The following STX2 variants were observed in gnomAD, a reference collection of about 807,000 sequenced individuals.
STX2 encodes syntaxin 2, also known as syntaxin-2.
In STX2, 27 loss-of-function variants were observed where a neutral mutation model predicts 40.6. The ratio of observed to expected loss-of-function variants is 0.66; its 90% confidence interval spans 0.49 to 0.92. The LOEUF (loss-of-function observed/expected upper bound fraction) is 0.92, where lower values mean the gene tolerates loss of function less well. STX2 is among the 40% of genes least tolerant of loss of function. STX2 has a pLI of 0.00. For missense variants in STX2, 328 were observed against 366.1 expected, an observed-to-expected ratio of 0.90 and a Z score of 0.85; for synonymous variants, 123 against 119.1, an observed-to-expected ratio of 1.03 and a Z score of -0.22.
At chr12:130,821,081 T>C (rs1952094470) in intron 3 of STX2, among the ~76,000 whole-genome samples, 2 of 152,162 alleles carry the variant, frequency 1.3e-5, no homozygotes, top group South Asian at 2.1e-4. Flanking sequence ...GGGAAGCAAA[T>C]TGAGACAAAA....
chr12:130,835,461 TAATA>T (rs10601899), intron 1 of STX2, among the ~76,000 whole-genome samples: 73,973 of 151,732 alleles, frequency 0.49, 20,179 homozygotes, highest in East Asian at 0.87. Context: ...TTCTTCACTA[TAATA>T]AATAGATATA....
At chr12:130,806,378 G>A (rs566919806) in intron 6 of STX2, among the ~76,000 whole-genome samples, 6 of 152,274 alleles carry the variant, frequency 3.9e-5, no homozygotes, top group Middle Eastern at 3.4e-3. Context: ...AGCTGTCCAC[G>A]GCCCCCAGTC....
intron 6 of STX2, among the ~76,000 whole-genome samples, chr12:130,805,219 A>C (rs532205282): frequency 2.0e-5 from 3 of 152,322 alleles, no homozygotes; most frequent in East Asian, 1.9e-4. Flanking sequence ...GCCAGGATGG[A>C]GCAACAGGGA....
chr12:130,835,919 G>A (rs1020973163), intron 1 of STX2, among the ~76,000 whole-genome samples: 4 of 149,264 alleles, frequency 2.7e-5, no homozygotes, highest in African/African-American at 5.2e-5. Context: ...CCCTGTCCAC[G>A]TAACTGTCAG....
At chr12:130,828,520 A>G (rs1673016484) in intron 1 of STX2, among the ~76,000 whole-genome samples, 2 of 150,632 alleles carry the variant, frequency 1.3e-5, no homozygotes, top group Admixed American at 6.7e-5. Context: ...GATTACAGGC[A>G]TGAGCCACTT....
At chr12:130,801,641 G>A (rs1951231775) in intron 6 of STX2, among the ~76,000 whole-genome samples, 153 bp from the exon 7 acceptor site, 1 of 152,188 alleles carries the variant, frequency 6.6e-6, no homozygotes, top group African/African-American at 2.4e-5. Flanking sequence ...ACAATGAGAA[G>A]TGAACCTAAG....
intron 2 of STX2, among the ~76,000 whole-genome samples, chr12:130,825,767 C>T (rs1030454646): frequency 6.6e-6 from 1 of 152,130 alleles, no homozygotes; most frequent in Non-Finnish European, 1.5e-5. Context: ...CACTGCTAGG[C>T]CAGATGAGGC....
chr12:130,830,664 G>T (rs1346946795), intron 1 of STX2, among the ~76,000 whole-genome samples: 1 of 152,118 alleles, frequency 6.6e-6, no homozygotes, highest in Non-Finnish European at 1.5e-5. Flanking sequence ...CAATAATACT[G>T]TCTTTGCTTT....
At chr12:130,821,632 A>C in intron 3 of STX2, 57 bp downstream of exon 3, 1 of 1,400,636 alleles carries the variant, frequency 7.1e-7, no homozygotes, top group Non-Finnish European at 1.0e-6. Flanking sequence ...TGTGCCGCAG[A>C]CAGCCAGAGG....
intron 1 of STX2, among the ~76,000 whole-genome samples, chr12:130,836,066 A>T (rs1308520539): frequency 2.7e-5 from 4 of 148,976 alleles, no homozygotes; most frequent in Admixed American, 6.6e-5. Flanking sequence ...CTAGAAAAAA[A>T]CACCAGCCAT....
chr12:130,813,384 C>A (rs1036516817), intron 3 of STX2, among the ~76,000 whole-genome samples: 1 of 152,200 alleles, frequency 6.6e-6, no homozygotes, highest in Non-Finnish European at 1.5e-5. Context: ...TGCCTAAATC[C>A]ACTGCTAACA....
At chr12:130,795,585 T>A (rs1007246) in intron 10 of STX2, among the ~76,000 whole-genome samples, 74,640 of 151,962 alleles carry the variant, frequency 0.49, 20,426 homozygotes, top group East Asian at 0.87. Context: ...ATAATTTTTT[T>A]AAAAATTAGC....
rs550059034 is a variant in STX2, at chr12:130,812,806, T to C, written c.280+151A>G. On this transcript the variant is annotated intron_variant, in intron 4 of 10. Transcript: ENST00000392373. ...AACACATAACCTTTTTGAATATTAA[T>C]TAGTACTCTGAATTACATACAAATA... The C allele has an allele frequency of 6.5e-5, 39 of 596,492 alleles. No homozygotes were observed. The Admixed American group carries it at 8.9e-4, about 14-fold the overall frequency. The allele number at this position is 596,492 out of a possible 1,614,324, so 36.9% of individuals were successfully genotyped here. A position where few individuals can be genotyped will look rare whatever the true frequency, so the allele number is the denominator to read the frequency against.
At chr12:130,838,980 G>C (rs559911327) in intron 1 of STX2, 90 bp downstream of exon 1, 392 of 441,256 alleles carry the variant, frequency 8.9e-4, no homozygotes, top group Non-Finnish European at 1.1e-3. Flanking sequence ...GGACCCTCCC[G>C]GAGCCCCGCC....
intron 8 of STX2, among the ~76,000 whole-genome samples, chr12:130,800,462 C>A (rs958961395): frequency 1.3e-5 from 2 of 152,164 alleles, no homozygotes; most frequent in African/African-American, 4.8e-5. Context: ...TGCATTAACT[C>A]TTCGGTTCAC....
chr12:130,794,643 C>T (rs1315635899), intron 10 of STX2, among the ~76,000 whole-genome samples: 2 of 152,148 alleles, frequency 1.3e-5, no homozygotes, highest in African/African-American at 2.4e-5. Flanking sequence ...ACTATAGGCA[C>T]GTGTGCCACC....
intron 1 of STX2, among the ~76,000 whole-genome samples, chr12:130,833,115 C>T (rs1952632180): frequency 1.3e-5 from 2 of 152,220 alleles, no homozygotes; most frequent in South Asian, 4.1e-4. Context: ...CACAGCAGTG[C>T]CTGGCACCCA....
At chr12:130,802,645 A>G (rs1951276411) in intron 6 of STX2, among the ~76,000 whole-genome samples, 1 of 152,164 alleles carries the variant, frequency 6.6e-6, no homozygotes, top group South Asian at 2.1e-4. Context: ...TTATAGGCAC[A>G]CACCCATGCC....
At position 130,796,114 on chromosome 12, in the gene STX2, A is replaced by T; in HGVS notation, c.793T>A (p.Trp265Arg). The change falls in exon 10 of 11, where the codon TGG becomes AGG. Residue 265 changes from tryptophan to arginine, a missense_variant. Transcript: ENST00000392373. ...KYQSKARRKK[W>R]IIIAVSVVLV... ...ACCACTGACACAGCAATAATTATCCACTTTTTCTGTCAAAGAAAAGCAAGC... is the reference window on the plus strand; with the variant it reads ...ACCACTGACACAGCAATAATTATCCTCTTTTTCTGTCAAAGAAAAGCAAGC... The T allele has an allele frequency of 6.2e-7, 1 of 1,614,088 alleles. No individual in the cohort carries two copies. Among genetic ancestry groups the T allele is most frequent in the African/African-American group, 1.3e-5 (1 of 75,042 alleles).
Sources: allele counts gnomAD v4.1 joint callset (sites outside exome capture counted in the v4.1 genomes callset), GRCh38; gene constraint gnomAD v4.1.1; transcripts MANE v1.5; gene names NCBI Gene and HGNC (gene_info 2026-07-23, HGNC 2026-07-21).